Variants in DGKB observed in about 807,000 individuals in gnomAD.
DGKB encodes the protein 90 kDa diacylglycerol kinase.
Under a neutral mutation model 114.3 loss-of-function variants are expected in DGKB, and 67 were observed. That is an observed-to-expected ratio of 0.59 (90% confidence interval 0.48 to 0.72). The LOEUF is 0.72. Ranked by LOEUF, DGKB falls within the 30% of genes least tolerant of loss-of-function variation. The pLI is 0.00. For missense variants in DGKB, 907 were observed against 975.2 expected (o/e 0.93, Z 0.93); for synonymous variants, 398 against 323.1 (o/e 1.23, Z -2.49).
At chr7:14,785,972 G>T (rs1353654827) in intron 2 of DGKB, among the ~76,000 whole-genome samples, 2 of 150,908 alleles carry the variant, frequency 1.3e-5, no homozygotes, top group South Asian at 2.1e-4. Flanking sequence ...TAAGCTTAAA[G>T]AATTATTTAC....
At chr7:14,834,589 T>C (rs1340926944) in intron 2 of DGKB, among the ~76,000 whole-genome samples, 1 of 152,150 alleles carries the variant, frequency 6.6e-6, no homozygotes, top group African/African-American at 2.4e-5. Flanking sequence ...TTAAAGCTCA[T>C]GGCTGCTCCA....
chr7:14,203,140 A>G (rs1370613559), intron 23 of DGKB, among the ~76,000 whole-genome samples: 2 of 149,212 alleles, frequency 1.3e-5, no homozygotes, highest in African/African-American at 2.5e-5. Context: ...CTTCGGGGCC[A>G]GTATCAAAAA....
At chr7:14,729,624 A>G (rs909049409) in intron 5 of DGKB, among the ~76,000 whole-genome samples, 6 of 151,870 alleles carry the variant, frequency 4.0e-5, no homozygotes, top group African/African-American at 1.5e-4. Context: ...CCCCTCTCCA[A>G]CTTTACCTGG....
At chr7:14,725,153 G>C (rs1315375414) in intron 5 of DGKB, among the ~76,000 whole-genome samples, 1 of 152,134 alleles carries the variant, frequency 6.6e-6, no homozygotes, top group Non-Finnish European at 1.5e-5. Context: ...GCAACAAACA[G>C]AGCAAGATTC....
At chr7:14,629,577 A>G (rs184607695) in intron 14 of DGKB, among the ~76,000 whole-genome samples, 1 of 152,246 alleles carries the variant, frequency 6.6e-6, no homozygotes, top group Admixed American at 6.5e-5. Context: ...GGCATTTCCT[A>G]TAGAGATAAT....
At chr7:14,582,940 C>G (rs1266382737) in intron 18 of DGKB, 112 bp downstream of exon 18, 5 of 774,636 alleles carry the variant, frequency 6.5e-6, no homozygotes, top group Non-Finnish European at 1.1e-5. Context: ...TCCAGATGTC[C>G]AATTATATCA....
At chr7:14,729,194 C>A (rs896420291) in intron 5 of DGKB, among the ~76,000 whole-genome samples, 16 of 143,962 alleles carry the variant, frequency 1.1e-4, no homozygotes, top group Admixed American at 8.5e-4. Flanking sequence ...GCCATCTCGG[C>A]TCACTGCAAG....
intron 1 of DGKB, among the ~76,000 whole-genome samples, chr7:14,892,248 A>T (rs773569686): frequency 1.1e-4 from 17 of 151,346 alleles, no homozygotes; most frequent in Non-Finnish European, 2.1e-4. Flanking sequence ...AATGGAGGCA[A>T]TGCCCAGTGG....
chr7:14,970,565 A>G (rs181696617), intron 1 of DGKB, among the ~76,000 whole-genome samples: 204 of 152,298 alleles, frequency 1.3e-3, no homozygotes, highest in African/African-American at 4.6e-3. Context: ...GAATAAATAA[A>G]TAAATAAACC....
At chr7:14,790,198 G>C (rs1840469943) in intron 2 of DGKB, among the ~76,000 whole-genome samples, 1 of 152,106 alleles carries the variant, frequency 6.6e-6, no homozygotes, top group Non-Finnish European at 1.5e-5. Flanking sequence ...TGCTAGTCCT[G>C]TGATTTATAT....
chr7:14,349,357 C>T (rs1402035216), intron 21 of DGKB, among the ~76,000 whole-genome samples: 1 of 152,052 alleles, frequency 6.6e-6, no homozygotes, highest in African/African-American at 2.4e-5. Context: ...CTAATGTACA[C>T]TGTATCATAG....
intron 2 of DGKB, among the ~76,000 whole-genome samples, chr7:14,791,265 T>C (rs888351022): frequency 6.6e-6 from 1 of 152,220 alleles, no homozygotes; most frequent in African/African-American, 2.4e-5. Flanking sequence ...GGCTTTGGGA[T>C]GTTTATCTTC....
intron 20 of DGKB, among the ~76,000 whole-genome samples, chr7:14,501,447 G>A (rs1340209293): frequency 6.6e-6 from 1 of 151,896 alleles, no homozygotes; most frequent in African/African-American, 2.4e-5. Flanking sequence ...TTGGCTAAAA[G>A]TGATAGAAAC....
chr7:14,373,670 T>C (rs1307814022), intron 21 of DGKB, among the ~76,000 whole-genome samples: 1 of 152,086 alleles, frequency 6.6e-6, no homozygotes, highest in Non-Finnish European at 1.5e-5. Flanking sequence ...TTTCTCCTGC[T>C]CTATCTTGGC....
At chr7:14,407,255 T>C (rs10233680) in intron 21 of DGKB, among the ~76,000 whole-genome samples, 65 of 152,294 alleles carry the variant, frequency 4.3e-4, no homozygotes, top group African/African-American at 1.5e-3. Context: ...AAATTTGTCC[T>C]TAATTTATTC....
intron 21 of DGKB, among the ~76,000 whole-genome samples, chr7:14,358,924 T>C (rs1469073372): frequency 6.6e-6 from 1 of 152,130 alleles, no homozygotes; most frequent in Non-Finnish European, 1.5e-5. Flanking sequence ...AATGACTTTC[T>C]TCACAGAATT....
intron 21 of DGKB, among the ~76,000 whole-genome samples, chr7:14,436,812 A>G (rs940264629): frequency 9.2e-5 from 14 of 152,272 alleles, no homozygotes; most frequent in African/African-American, 2.9e-4. Flanking sequence ...TTAATTAATG[A>G]AGTGGCAATA....
intron 2 of DGKB, among the ~76,000 whole-genome samples, chr7:14,840,744 A>ACACACACC (rs1554298987): frequency 0.027 from 3,086 of 116,066 alleles, 59 homozygotes; most frequent in Middle Eastern, 0.095. Context: ...ACACACACAC[A>ACACACACC]CCTCTCCCTT....
chr7:14,801,666 G>T (rs1196366916), intron 2 of DGKB, among the ~76,000 whole-genome samples: 1 of 151,770 alleles, frequency 6.6e-6, no homozygotes, highest in African/African-American at 2.4e-5. Context: ...TACACTATCA[G>T]TTCCCCCCGT....
Sources: gnomAD v4.1 joint callset for allele counts (sites outside exome capture counted in the v4.1 genomes callset) on GRCh38, gnomAD v4.1.1 for gene constraint, MANE v1.5 for transcripts, NCBI Gene and HGNC (gene_info 2026-07-23, HGNC 2026-07-21) for gene names.